MYCBP2: variants seen among roughly 807,000 people sequenced by gnomAD.
MYCBP2 encodes E3 ubiquitin-protein ligase MYCBP2.
Under a neutral mutation model 525.3 loss-of-function variants are expected in MYCBP2, and 120 were observed. The observed-to-expected ratio is 0.23, with a 90% CI of 0.20 to 0.27. The LOEUF (loss-of-function observed/expected upper bound fraction) is 0.27. MYCBP2 is among the 10% of genes least tolerant of loss of function. The pLI is 1.00. For synonymous variants in MYCBP2, 1,894 were observed against 1,955.8 expected (o/e 0.97, Z 0.83); for missense variants, 4,149 against 5,657.1 (o/e 0.73, Z 8.55).
chr13:77,081,681 T>C lies in MYCBP2; in HGVS notation c.11194-30A>G, dbSNP rs377269565. On this transcript the variant is annotated intron_variant, in intron 64 of 82. Coordinates refer to ENST00000544440, the MANE Select transcript of MYCBP2 (RefSeq NM_015057.5). This position sits in a 1 kb window ranked among gnomAD's most constrained non-coding sequence, Gnocchi z 4.6. ...CAGAAACAAATATAAGTACTTATGATACTTAAAAGCAAATCTTTCGTGATG... is the reference window on the plus strand; with the variant it reads ...CAGAAACAAATATAAGTACTTATGACACTTAAAAGCAAATCTTTCGTGATG... 13 of 1,565,730 alleles carry C rather than the reference T, an allele frequency of 8.3e-6. No individual in the cohort carries two copies. In the African/African-American group the frequency reaches 1.5e-4, roughly 18 times the overall value.
Position 77,168,487 on chromosome 13 carries a change from G to T in MYCBP2, c.6055C>A (p.His2019Asn). Residue 2019 changes from histidine to asparagine, a missense_variant, in exon 40 of 83, where the codon CAC becomes AAC. His to Asn is a moderately conservative substitution (Grantham distance 68). This residue lies in a region of MYCBP2 where 692 missense variants were observed against 852.7 expected (regional missense o/e 0.81). Transcript: ENST00000544440. ...QGLSACTTSSHYAVIESEHPY... is the reference protein window; with the variant it reads ...QGLSACTTSSNYAVIESEHPY... Reference sequence around the variant, plus strand: ...TGCTCACTCTCTATGACAGCATAGTGACTGGAGGTTGTACAAGCAGAGAGG... The same window carrying T: ...TGCTCACTCTCTATGACAGCATAGTTACTGGAGGTTGTACAAGCAGAGAGG... The T allele has an allele frequency of 1.2e-6, 2 of 1,614,080 alleles. No individual in the cohort carries two copies. Among genetic ancestry groups the T allele is most frequent in the South Asian group, 2.2e-5 (2 of 91,056 alleles).
chr13:77,201,845 C>A (rs370018704), intron 26 of MYCBP2, among the ~76,000 whole-genome samples: 3 of 152,044 alleles, frequency 2.0e-5, no homozygotes, highest in African/African-American at 7.3e-5. Flanking sequence ...TTGAAACCAA[C>A]GAGAACAAAG....
At chr13:77,165,043 A>T (rs1353766771) in intron 42 of MYCBP2, among the ~76,000 whole-genome samples, 1 of 151,896 alleles carries the variant, frequency 6.6e-6, no homozygotes, top group Non-Finnish European at 1.5e-5. Flanking sequence ...ATTTCTTTTT[A>T]TTTTTTTTGT....
At chr13:77,048,072 A>AT (rs2035965506) in intron 82 of MYCBP2, among the ~76,000 whole-genome samples, 1 of 152,148 alleles carries the variant, frequency 6.6e-6, no homozygotes, top group East Asian at 1.9e-4. Flanking sequence ...AGAGACTGTT[A>AT]TATCTTGGTG....
At chr13:77,282,383 C>T (rs2076283092) in intron 3 of MYCBP2, among the ~76,000 whole-genome samples, 1 of 150,586 alleles carries the variant, frequency 6.6e-6, no homozygotes, top group African/African-American at 2.4e-5. Context: ...GCACTTCAGC[C>T]TGGGCAAGCA....
intron 30 of MYCBP2, 26 bp downstream of exon 30, chr13:77,188,925 C>G: frequency 6.5e-7 from 1 of 1,546,110 alleles, no homozygotes; most frequent in Non-Finnish European, 8.8e-7. Context: ...AAGAGAAAAG[C>G]TGAAATTTTT....
In MYCBP2 at chr13:77,170,288, C is replaced by T. The variant is rs143918923; in HGVS notation, c.5795-574G>A. Among the ~76,000 whole-genome samples, 156 of 152,278 alleles carry T rather than the reference C, an allele frequency of 1.0e-3. 1 individual carries two copies. The highest frequency in any genetic ancestry group is 3.4e-3 in the Middle Eastern group (1 of 294). On this transcript the variant is annotated intron_variant, in intron 38 of 82. Coordinates refer to ENST00000544440, the MANE Select transcript of MYCBP2 (RefSeq NM_015057.5). ...CTGTTTTTCCAAGAAAAGCACTTTG[C>T]TGATTAACATTTTAGTCAGTTATCC...
intron 32 of MYCBP2, among the ~76,000 whole-genome samples, chr13:77,182,447 C>A (rs2060297306): frequency 6.6e-6 from 1 of 152,196 alleles, no homozygotes; most frequent in Non-Finnish European, 1.5e-5. Flanking sequence ...TTAAAGCCAA[C>A]ACATGATATC....
chr13:77,210,998 T>C (rs2063935000), intron 23 of MYCBP2, among the ~76,000 whole-genome samples, 169 bp downstream of exon 23: 1 of 152,138 alleles, frequency 6.6e-6, no homozygotes, highest in Admixed American at 6.5e-5. Context: ...TCTTAACCAC[T>C]ATGCTACAGT....
intron 61 of MYCBP2, 138 bp downstream of exon 61, chr13:77,088,694 G>C: frequency 1.6e-6 from 1 of 608,644 alleles, no homozygotes; most frequent in Non-Finnish European, 2.7e-6. Context: ...ATTTTTATAG[G>C]AACACTTAAT....
chr13:77,194,235 A>G lies in MYCBP2; in HGVS notation c.3853T>C (p.Leu1285=), dbSNP rs778207332. 3.2e-5 allele frequency: 52 copies of G among 1,611,800 alleles called. No individual in the cohort carries two copies. Among genetic ancestry groups the G allele is most frequent in the Non-Finnish European group, 3.1e-5 (36 of 1,178,174 alleles). The part of the protein sequence containing the change: ...EYTAKIKLFE[L]GPDGGDHETD... ...TCATGATCTCCTCCATCAGGACCCAATTCAAACAGCTAAGGAAAGGAGAAA... is the reference window on the plus strand; with the variant it reads ...TCATGATCTCCTCCATCAGGACCCAGTTCAAACAGCTAAGGAAAGGAGAAA... Residue 1285 remains leucine, a synonymous_variant, in exon 27 of 83, where the codon TTG becomes CTG. Coordinates refer to ENST00000544440, the MANE Select transcript of MYCBP2 (RefSeq NM_015057.5).
intron 26 of MYCBP2, among the ~76,000 whole-genome samples, chr13:77,199,014 AGTATTACTGTAGG>A (rs2062089302): frequency 6.6e-6 from 1 of 152,048 alleles, no homozygotes; most frequent in South Asian, 2.1e-4. Context: ...TTATTAATTT[AGTATTACTGTAGG>A]GGGGGAGGAG....
rs184560509 is a variant in MYCBP2 at position 77,140,419 on chromosome 13, G to C, written c.7402-256C>G. Among the ~76,000 whole-genome samples, 338 of 152,236 alleles carry C rather than the reference G, an allele frequency of 2.2e-3. 3 individuals are homozygous for C. The highest frequency in any genetic ancestry group is 7.6e-3 in the African/African-American group (315 of 41,564). ...TTTTAACTCATTTCTAAATACTGAA[G>C]ATACGTGTTAAGAAGGATAAAAACC... is the stretch of plus-strand genomic sequence containing the variant. On this transcript the variant is annotated intron_variant, in intron 50 of 82. Coordinates refer to ENST00000544440, the MANE Select transcript of MYCBP2 (RefSeq NM_015057.5).
intron 33 of MYCBP2, 65 bp from the exon 34 acceptor site, chr13:77,180,383 G>A: frequency 7.3e-7 from 1 of 1,362,580 alleles, no homozygotes; most frequent in Non-Finnish European, 1.0e-6. Flanking sequence ...TACTCAATTT[G>A]AAAACCTTGT....
intron 17 of MYCBP2, among the ~76,000 whole-genome samples, chr13:77,240,828 T>A (rs2068707003): frequency 6.6e-6 from 1 of 152,284 alleles, no homozygotes; most frequent in South Asian, 2.1e-4. Context: ...TAATTGAGGT[T>A]CATACTGAAG....
chr13:77,139,390 C>A, intron 51 of MYCBP2, 54 bp from the exon 52 acceptor site: 1 of 1,564,096 alleles, frequency 6.4e-7, no homozygotes, highest in South Asian at 1.2e-5. Flanking sequence ...TCCTATGAGG[C>A]TAGCAAGGTC....
chr13:77,265,500 G>C (rs557384853), intron 8 of MYCBP2, among the ~76,000 whole-genome samples: 1 of 152,060 alleles, frequency 6.6e-6, no homozygotes, highest in South Asian at 2.1e-4. Context: ...ACAATTATCA[G>C]ATAAAAAAAG....
chr13:77,089,077 T>C (rs373925934), intron 60 of MYCBP2, 46 bp from the exon 61 acceptor site: 1,090 of 1,363,066 alleles, frequency 8.0e-4, no homozygotes, highest in Non-Finnish European at 1.0e-3. Flanking sequence ...GCAGTGCATA[T>C]ATATTTAAGA....
chr13:77,224,134 C>T (rs2065948240), intron 20 of MYCBP2, among the ~76,000 whole-genome samples: 1 of 152,136 alleles, frequency 6.6e-6, no homozygotes, highest in African/African-American at 2.4e-5. Flanking sequence ...CACTATTTTT[C>T]TATTGCCATG....
Sources: gnomAD v4.1 joint callset for allele counts (sites outside exome capture counted in the v4.1 genomes callset) on GRCh38, gnomAD v4.1.1 for gene constraint, gnomAD v4.1.1 regional missense constraint, Gnocchi (gnomAD v3.1) non-coding constraint, MANE v1.5 for transcripts, NCBI Gene and HGNC (gene_info 2026-07-23, HGNC 2026-07-21) for gene names.